UNC80: variants seen among roughly 807,000 people sequenced by gnomAD.
UNC80 encodes unc-80 subunit of NALCN channel complex, also known as protein unc-80 homolog.
Under a neutral mutation model 384.6 loss-of-function variants are expected in UNC80, and 164 were observed. The observed-to-expected ratio is 0.43, with a 90% CI of 0.38 to 0.49. The LOEUF (loss-of-function observed/expected upper bound fraction) is 0.49. Ranked by LOEUF, UNC80 falls within the 20% of genes least tolerant of loss-of-function variation. The pLI is 0.00. For missense variants in UNC80, 3,330 were observed against 4,143.0 expected (o/e 0.80, Z 5.39); for synonymous variants, 1,486 against 1,527.8 (o/e 0.97, Z 0.64).
intron 7 of UNC80, among the ~76,000 whole-genome samples, chr2:209,811,511 A>G (rs1187738885): frequency 6.6e-6 from 1 of 152,196 alleles, no homozygotes; most frequent in Non-Finnish European, 1.5e-5. Flanking sequence ...ACTGATGAGA[A>G]GTGGTTGGAA....
At chr2:209,817,448 A>G (rs1450113064) in intron 10 of UNC80, among the ~76,000 whole-genome samples, 1 of 151,858 alleles carries the variant, frequency 6.6e-6, no homozygotes, top group Non-Finnish European at 1.5e-5. Context: ...TTTTTATTAA[A>G]CTTGGATTTT....
chr2:209,901,031 A>C (rs1006891328), intron 28 of UNC80, among the ~76,000 whole-genome samples: 2 of 152,230 alleles, frequency 1.3e-5, no homozygotes, highest in African/African-American at 4.8e-5. Context: ...TCCATAACAT[A>C]AAAGTGCAAG....
chr2:209,794,051 G>A (rs924994032), intron 7 of UNC80, among the ~76,000 whole-genome samples, 192 bp downstream of exon 7: 3 of 152,172 alleles, frequency 2.0e-5, no homozygotes, highest in African/African-American at 7.2e-5. Context: ...AAACAAACTA[G>A]GGCGAAAGTG....
chr2:209,814,536 G>A (rs1442539207), intron 8 of UNC80, among the ~76,000 whole-genome samples: 2 of 152,122 alleles, frequency 1.3e-5, no homozygotes, highest in Admixed American at 6.5e-5. Flanking sequence ...ATGAGCCACC[G>A]CGCCTGGCCA....
intron 27 of UNC80, among the ~76,000 whole-genome samples, chr2:209,895,121 A>G (rs2086684868): frequency 6.6e-6 from 1 of 152,236 alleles, no homozygotes; most frequent in African/African-American, 2.4e-5. Context: ...AGAGATTTCA[A>G]ATACCAAAAT....
Position 209,820,374 on chromosome 2 carries a change from G to T in UNC80, c.2026G>T (p.Ala676Ser). The T allele has an allele frequency of 6.4e-7, 1 of 1,551,986 alleles. No homozygotes were observed. Among genetic ancestry groups the T allele is most frequent in the Non-Finnish European group, 8.7e-7 (1 of 1,147,042 alleles). ...CATCAGCTCTCGTATCTGTGACGTG[G>T]CGCTAAACATTGTGGAATGCTTGCT... ...HDISSRICDV[A>S]LNIVECLLQL... Residue 676 changes from alanine (A) to serine (S), a missense_variant, in exon 13 of 65, where the codon GCG becomes TCG. By Grantham distance (99) the Ala-to-Ser change is moderately conservative (BLOSUM62 1). Coordinates refer to ENST00000673920, the MANE Select transcript of UNC80 (RefSeq NM_001371986.1).
intron 35 of UNC80, among the ~76,000 whole-genome samples, chr2:209,922,918 G>A (rs545677600): frequency 3.3e-5 from 5 of 152,052 alleles, no homozygotes; most frequent in Non-Finnish European, 5.9e-5. Context: ...CTTTTCATAT[G>A]CTTATTGACC....
At chr2:209,838,317 A>G (rs2081487646) in intron 18 of UNC80, among the ~76,000 whole-genome samples, 1 of 150,124 alleles carries the variant, frequency 6.7e-6, no homozygotes, top group South Asian at 2.1e-4. Context: ...TTGAGTAAAA[A>G]TAAAGATCTT....
intron 21 of UNC80, among the ~76,000 whole-genome samples, chr2:209,843,422 A>T (rs2081916469): frequency 6.6e-6 from 1 of 152,146 alleles, no homozygotes; most frequent in African/African-American, 2.4e-5. Context: ...CTTCATTTCA[A>T]AAATGATGAA....
At chr2:209,989,835 A>G (rs2093359782) in intron 61 of UNC80, among the ~76,000 whole-genome samples, 1 of 152,228 alleles carries the variant, frequency 6.6e-6, no homozygotes, top group African/African-American at 2.4e-5. Flanking sequence ...CATGTTCTGT[A>G]TAAATTATCA....
At chr2:209,882,875 G>A (rs1038868693) in intron 25 of UNC80, among the ~76,000 whole-genome samples, 1 of 152,012 alleles carries the variant, frequency 6.6e-6, no homozygotes, top group African/African-American at 2.4e-5. Flanking sequence ...GAGTTTAATG[G>A]TCCTTATTAT....
At chr2:209,898,002 T>C (rs1451213473) in intron 28 of UNC80, among the ~76,000 whole-genome samples, 1 of 152,174 alleles carries the variant, frequency 6.6e-6, no homozygotes, top group African/African-American at 2.4e-5. Flanking sequence ...TTCAAATTTA[T>C]CAGCAAAAAG....
At chr2:209,927,268 C>T (rs1171384409) in intron 36 of UNC80, among the ~76,000 whole-genome samples, 1 of 152,136 alleles carries the variant, frequency 6.6e-6, no homozygotes, top group Non-Finnish European at 1.5e-5. Flanking sequence ...AATTATTTAG[C>T]CACATAGAAA....
At chr2:209,840,421 G>A in intron 19 of UNC80, 121 bp from the exon 20 acceptor site, 1 of 789,048 alleles carries the variant, frequency 1.3e-6, no homozygotes, top group Non-Finnish European at 2.0e-6. Flanking sequence ...AAAACAATTT[G>A]TTTTTCTATT....
chr2:209,968,152 G>A (rs1465522032), intron 52 of UNC80: 1 of 153,154 alleles, frequency 6.5e-6, no homozygotes, highest in East Asian at 1.9e-4. Flanking sequence ...ATTCAGTGTG[G>A]TACTAAATGA....
chr2:209,918,089 A>T (rs2089708460), intron 32 of UNC80, 131 bp downstream of exon 32: 1 of 847,334 alleles, frequency 1.2e-6, no homozygotes, highest in African/African-American at 1.7e-5. Context: ...ATATAAGTAA[A>T]CCTAACATAC....
At chr2:209,801,000 CAA>C (rs2078512681) in intron 7 of UNC80, among the ~76,000 whole-genome samples, 1 of 152,020 alleles carries the variant, frequency 6.6e-6, no homozygotes, top group African/African-American at 2.4e-5. Flanking sequence ...GAATAAGTGC[CAA>C]GTGACACTGA....
rs1375021135 is a variant in UNC80, at chr2:209,998,208, A to G, written c.*2613A>G. 1 of 152,262 alleles carries G rather than the reference A, an allele frequency of 6.6e-6. No individual in the cohort carries two copies. The highest frequency in any genetic ancestry group is 2.4e-5 in the African/African-American group (1 of 41,474). The allele number at this position is 152,262 out of a possible 1,614,324, so 9.4% of individuals were successfully genotyped here. Reference sequence around the variant, plus strand: ...AAATTAGCTTTTGAGAGACCTTGGAATAAACCATGTGTTATCCATGATAGT... The same window carrying G: ...AAATTAGCTTTTGAGAGACCTTGGAGTAAACCATGTGTTATCCATGATAGT... On this transcript the variant is annotated 3_prime_UTR_variant, in exon 65 of 65. Transcript: ENST00000673920.
At chr2:209,856,545 A>G (rs1015454383) in intron 22 of UNC80, among the ~76,000 whole-genome samples, 7 of 152,096 alleles carry the variant, frequency 4.6e-5, no homozygotes, top group Non-Finnish European at 1.0e-4. Flanking sequence ...AGTATTAAAG[A>G]TTAACTTTCA....
Sources: allele counts gnomAD v4.1 joint callset (sites outside exome capture counted in the v4.1 genomes callset), GRCh38; gene constraint gnomAD v4.1.1; transcripts MANE v1.5; gene names NCBI Gene and HGNC (gene_info 2026-07-23, HGNC 2026-07-21).